The following RAPGEF5 variants were observed in gnomAD, a reference collection of about 807,000 sequenced individuals.
RAPGEF5 encodes Rap guanine nucleotide exchange factor 5, also known as M-Ras-regulated GEF.
RAPGEF5 carries 65 observed loss-of-function variants against 125.2 expected under a neutral mutation model. The observed-to-expected ratio is 0.52, with a 90% CI of 0.43 to 0.64. The LOEUF (loss-of-function observed/expected upper bound fraction) is 0.64. RAPGEF5 is among the 30% of genes least tolerant of loss of function. RAPGEF5 has a pLI of 0.00. For missense variants in RAPGEF5, 958 were observed against 1,048.1 expected (o/e 0.91, Z 1.19); for synonymous variants, 391 against 385.9 (o/e 1.01, Z -0.16).
intron 1 of RAPGEF5, among the ~76,000 whole-genome samples, chr7:22,323,799 G>A (rs1462671164): frequency 6.6e-6 from 1 of 152,116 alleles, no homozygotes; most frequent in Non-Finnish European, 1.5e-5. Flanking sequence ...GAATAACCAT[G>A]AGTCCATACT....
intron 8 of RAPGEF5, among the ~76,000 whole-genome samples, chr7:22,224,238 G>A (rs1785859220): frequency 6.6e-6 from 1 of 152,114 alleles, no homozygotes; most frequent in Non-Finnish European, 1.5e-5. Context: ...TCCATAATCT[G>A]AGACAATGGT....
intron 5 of RAPGEF5, among the ~76,000 whole-genome samples, chr7:22,295,988 A>T (rs1245424321): frequency 6.6e-6 from 1 of 152,032 alleles, no homozygotes; most frequent in Non-Finnish European, 1.5e-5. Context: ...ATCAGGTAGT[A>T]AGAAAAAACC....
intron 23 of RAPGEF5, among the ~76,000 whole-genome samples, chr7:22,132,378 CTT>C (rs33968264): frequency 0.46 from 67,885 of 148,012 alleles, 15,990 homozygotes; most frequent in East Asian, 0.6. Context: ...CCTTTCCTCT[CTT>C]TTTTTTTTTT....
At chr7:22,166,641 A>G (rs1202813146) in intron 12 of RAPGEF5, among the ~76,000 whole-genome samples, 1 of 152,236 alleles carries the variant, frequency 6.6e-6, no homozygotes, top group Admixed American at 6.5e-5. Context: ...CCCCTGAGAT[A>G]CTTGCCAGGA....
intron 18 of RAPGEF5, among the ~76,000 whole-genome samples, chr7:22,148,749 C>T (rs768322850): frequency 3.3e-5 from 5 of 152,210 alleles, no homozygotes; most frequent in Non-Finnish European, 7.4e-5. Context: ...GTAGATTGAG[C>T]CGTGGGGATG....
chr7:22,136,636 C>T (rs1008732006), intron 22 of RAPGEF5, among the ~76,000 whole-genome samples: 6 of 152,136 alleles, frequency 3.9e-5, no homozygotes, highest in African/African-American at 1.4e-4. Flanking sequence ...TAATTGCATG[C>T]TAAATTTATA....
At chr7:22,286,332 G>T (rs999798042) in intron 6 of RAPGEF5, among the ~76,000 whole-genome samples, 1 of 152,082 alleles carries the variant, frequency 6.6e-6, no homozygotes, top group African/African-American at 2.4e-5. Context: ...TACCAAATAG[G>T]CATCTAATAT....
chr7:22,210,704 T>C (rs10499557), intron 9 of RAPGEF5, among the ~76,000 whole-genome samples: 8,285 of 152,252 alleles, frequency 0.054, 358 homozygotes, highest in South Asian at 0.16. Context: ...AAAGAGGACA[T>C]TTACAAGGAT....
At chr7:22,145,669 G>T (rs757177422) in intron 19 of RAPGEF5, among the ~76,000 whole-genome samples, 5 of 152,140 alleles carry the variant, frequency 3.3e-5, no homozygotes, top group African/African-American at 4.8e-5. Context: ...TCACCTGGAG[G>T]ACTGCTGAAG....
At chr7:22,190,887 A>G (rs1784973059) in intron 11 of RAPGEF5, among the ~76,000 whole-genome samples, 1 of 152,120 alleles carries the variant, frequency 6.6e-6, no homozygotes, top group African/African-American at 2.4e-5. Context: ...CACTGCTATT[A>G]GGCCATGTGG....
chr7:22,178,758 C>T (rs1447379658), intron 11 of RAPGEF5, among the ~76,000 whole-genome samples: 1 of 152,118 alleles, frequency 6.6e-6, no homozygotes, highest in African/African-American at 2.4e-5. Flanking sequence ...TTTATAGAAG[C>T]TTCATTAGGT....
At chr7:22,339,345 T>C (rs1784084658) in intron 1 of RAPGEF5, among the ~76,000 whole-genome samples, 1 of 152,256 alleles carries the variant, frequency 6.6e-6, no homozygotes, top group Non-Finnish European at 1.5e-5. Flanking sequence ...GAAGTGAGGT[T>C]GCTGAAGACC....
intron 19 of RAPGEF5, among the ~76,000 whole-genome samples, chr7:22,145,967 CGTGT>C (rs71864981): frequency 0.022 from 3,100 of 143,894 alleles, 39 homozygotes; most frequent in Middle Eastern, 0.028. Context: ...TGTTTGTGTG[CGTGT>C]GTGTGTGTGT....
At chr7:22,210,082 T>G (rs1178344909) in intron 9 of RAPGEF5, among the ~76,000 whole-genome samples, 1 of 152,182 alleles carries the variant, frequency 6.6e-6, no homozygotes, top group African/African-American at 2.4e-5. Context: ...AAGTTTTCCT[T>G]CCCCAAGCCA....
At chr7:22,331,405 A>G (rs937572709) in intron 1 of RAPGEF5, among the ~76,000 whole-genome samples, 5 of 152,156 alleles carry the variant, frequency 3.3e-5, no homozygotes, top group Non-Finnish European at 7.3e-5. Context: ...CTTAAGTCTG[A>G]TATTACGTGT....
chr7:22,155,879 G>A (rs1233711486), intron 16 of RAPGEF5, among the ~76,000 whole-genome samples: 1 of 152,184 alleles, frequency 6.6e-6, no homozygotes, highest in East Asian at 1.9e-4. Context: ...GAAATACTTT[G>A]CCTCTTTGCA....
intron 8 of RAPGEF5, among the ~76,000 whole-genome samples, chr7:22,224,145 A>G (rs1785857448): frequency 6.6e-6 from 1 of 152,160 alleles, no homozygotes; most frequent in African/African-American, 2.4e-5. Flanking sequence ...CTAAAGGCCC[A>G]CTTGATTTTT....
chr7:22,295,148 T>C (rs900698977), intron 5 of RAPGEF5, among the ~76,000 whole-genome samples: 45 of 152,190 alleles, frequency 3.0e-4, no homozygotes, highest in African/African-American at 1.1e-3. Flanking sequence ...CAAATTCCTA[T>C]GAAAAAAGAA....
intron 8 of RAPGEF5, among the ~76,000 whole-genome samples, chr7:22,221,391 A>G (rs930171649): frequency 1.4e-4 from 22 of 152,224 alleles, no homozygotes; most frequent in African/African-American, 4.8e-4. Flanking sequence ...AACTAGGCCT[A>G]TTCTTTATCC....
Sources: gnomAD v4.1 joint callset for allele counts (sites outside exome capture counted in the v4.1 genomes callset) on GRCh38, gnomAD v4.1.1 for gene constraint, MANE v1.5 for transcripts, NCBI Gene and HGNC (gene_info 2026-07-23, HGNC 2026-07-21) for gene names.